RIMS1: variants seen among roughly 807,000 people sequenced by gnomAD.
RIMS1 encodes the protein regulating synaptic membrane exocytosis 1, also known as regulating synaptic membrane exocytosis protein 1.
In RIMS1, 83 loss-of-function variants were observed where a neutral mutation model predicts 214.1. The observed-to-expected ratio is 0.39, with a 90% CI of 0.32 to 0.47. The LOEUF (loss-of-function observed/expected upper bound fraction) is 0.47, where lower values mean the gene tolerates loss of function less well. Ranked by LOEUF, RIMS1 falls within the 20% of genes least tolerant of loss-of-function variation. RIMS1 has a pLI of 0.99. For synonymous variants in RIMS1, 793 were observed against 786.8 expected (o/e 1.01, Z -0.13); for missense variants, 2,050 against 2,161.8 (o/e 0.95, Z 1.03).
chr6:72,273,866 T>G (rs528926979), intron 22 of RIMS1, among the ~76,000 whole-genome samples: 35 of 152,316 alleles, frequency 2.3e-4, no homozygotes, highest in African/African-American at 8.2e-4. Context: ...TACTTAACTG[T>G]GCTCCTTACT....
At chr6:72,234,803 A>T (rs866147359) in intron 7 of RIMS1, among the ~76,000 whole-genome samples, 1 of 152,018 alleles carries the variant, frequency 6.6e-6, no homozygotes, top group East Asian at 1.9e-4. Context: ...AGAATGTCAC[A>T]TGGTTAGAAT....
chr6:72,099,535 T>A (rs1242124281), intron 3 of RIMS1, among the ~76,000 whole-genome samples: 1 of 152,184 alleles, frequency 6.6e-6, no homozygotes, highest in Non-Finnish European at 1.5e-5. Flanking sequence ...CATTTCTCAT[T>A]CTTTACATTT....
At chr6:72,042,964 AT>A (rs1176054659) in intron 2 of RIMS1, among the ~76,000 whole-genome samples, 7 of 151,952 alleles carry the variant, frequency 4.6e-5, no homozygotes, top group Non-Finnish European at 1.0e-4. Flanking sequence ...AAGAAATATA[AT>A]TTTAACAATC....
At chr6:72,016,816 G>A (rs1220394082) in intron 2 of RIMS1, among the ~76,000 whole-genome samples, 2 of 152,172 alleles carry the variant, frequency 1.3e-5, no homozygotes, top group African/African-American at 4.8e-5. Context: ...ATGATATGAT[G>A]TAGATGAGAA....
chr6:72,040,922 C>T (rs1000318963), intron 2 of RIMS1, among the ~76,000 whole-genome samples: 2 of 151,596 alleles, frequency 1.3e-5, no homozygotes, highest in Non-Finnish European at 2.9e-5. Context: ...TCCCTACAAC[C>T]CTACAACCCC....
intron 4 of RIMS1, among the ~76,000 whole-genome samples, chr6:72,118,754 C>T (rs942817005): frequency 6.6e-6 from 1 of 151,556 alleles, no homozygotes; most frequent in Admixed American, 6.6e-5. Context: ...GTAGAAAAAG[C>T]ATTTCACAAA....
chr6:72,119,348 T>C (rs2037742966), intron 4 of RIMS1, among the ~76,000 whole-genome samples: 1 of 151,894 alleles, frequency 6.6e-6, no homozygotes, highest in South Asian at 2.1e-4. Flanking sequence ...CCCATGCTCA[T>C]GGATGAGTAG....
At chr6:72,257,587 GTA>G (rs2076402631) in intron 16 of RIMS1, among the ~76,000 whole-genome samples, 2 of 152,074 alleles carry the variant, frequency 1.3e-5, no homozygotes. Flanking sequence ...TTCACAATGA[GTA>G]TAATGGTGAA....
chr6:72,316,787 A>T (rs1225082034), intron 28 of RIMS1: 1 of 720,744 alleles, frequency 1.4e-6, no homozygotes, highest in African/African-American at 1.7e-5. Context: ...TTGACGGTAG[A>T]CACTGGGGAC....
intron 6 of RIMS1, among the ~76,000 whole-genome samples, chr6:72,189,954 C>T (rs1456533517): frequency 1.3e-5 from 2 of 152,248 alleles, no homozygotes. Flanking sequence ...CCACGTACCT[C>T]TTCCCCAGAT....
intron 2 of RIMS1, among the ~76,000 whole-genome samples, chr6:72,055,585 G>A (rs958811656): frequency 7.9e-5 from 12 of 152,066 alleles, no homozygotes; most frequent in Non-Finnish European, 1.5e-4. Flanking sequence ...GTCTTGTTCT[G>A]GTGTTCAATG....
intron 2 of RIMS1, among the ~76,000 whole-genome samples, chr6:72,054,909 G>T (rs1825751457): frequency 6.6e-6 from 1 of 152,102 alleles, no homozygotes; most frequent in Admixed American, 6.5e-5. Flanking sequence ...CTTTTGCTGT[G>T]CAGAAGCTCT....
At chr6:71,981,848 C>G (rs1798574621) in intron 2 of RIMS1, among the ~76,000 whole-genome samples, 1 of 151,982 alleles carries the variant, frequency 6.6e-6, no homozygotes, top group Non-Finnish European at 1.5e-5. Flanking sequence ...GCAGTGTTCA[C>G]CTCTTGAAGA....
chr6:72,392,107 C>T (rs2098712047), intron 30 of RIMS1, among the ~76,000 whole-genome samples: 1 of 152,206 alleles, frequency 6.6e-6, no homozygotes. Context: ...CTACATCAGT[C>T]AACAAGAAGA....
At chr6:71,906,913 A>G (rs2150534943) in intron 1 of RIMS1, among the ~76,000 whole-genome samples, 1 of 152,294 alleles carries the variant, frequency 6.6e-6, no homozygotes, top group African/African-American at 2.4e-5. Flanking sequence ...ATAGTACTAC[A>G]CACTCAGTAT....
intron 29 of RIMS1, among the ~76,000 whole-genome samples, chr6:72,369,415 A>G (rs1236791933): frequency 1.3e-5 from 2 of 152,118 alleles, no homozygotes; most frequent in Non-Finnish European, 2.9e-5. Context: ...TCTGTAGGAC[A>G]TGTATATTAA....
intron 6 of RIMS1, among the ~76,000 whole-genome samples, chr6:72,193,069 A>C (rs1222689266): frequency 3.3e-5 from 5 of 152,242 alleles, no homozygotes; most frequent in African/African-American, 1.2e-4. Flanking sequence ...TATGTGTTAT[A>C]AATCACAGTG....
chr6:72,305,518 G>A (rs183720143), intron 26 of RIMS1, among the ~76,000 whole-genome samples: 165 of 152,154 alleles, frequency 1.1e-3, no homozygotes, highest in African/African-American at 3.7e-3. Flanking sequence ...ATGATTGAGC[G>A]TGTACCCAGA....
chr6:71,969,190 A>G (rs9342907), intron 2 of RIMS1, 127 bp downstream of exon 2: 42,786 of 879,430 alleles, frequency 0.049, 2,256 homozygotes, highest in East Asian at 0.2. Flanking sequence ...CAAAAAGGCT[A>G]CTGTTGAATT....
Sources: gnomAD v4.1 joint callset for allele counts (sites outside exome capture counted in the v4.1 genomes callset) on GRCh38, gnomAD v4.1.1 for gene constraint, MANE v1.5 for transcripts, NCBI Gene and HGNC (gene_info 2026-07-23, HGNC 2026-07-21) for gene names.